SLC8A1: variants seen among roughly 807,000 people sequenced by gnomAD.
The protein encoded by SLC8A1 is sodium/calcium exchanger 1.
A neutral mutation model predicts 68.3 loss-of-function variants in SLC8A1; 18 were observed. The observed-to-expected ratio is 0.26, with a 90% CI of 0.18 to 0.39. The LOEUF is 0.39. Ranked by LOEUF, SLC8A1 falls within the 10% of genes least tolerant of loss-of-function variation. The pLI, the probability that SLC8A1 is intolerant of heterozygous loss-of-function variation, is 1.00. For missense variants in SLC8A1, 985 were observed against 1,156.7 expected (o/e 0.85, Z 2.15); for synonymous variants, 475 against 415.5 (o/e 1.14, Z -1.74).
intron 2 of SLC8A1, among the ~76,000 whole-genome samples, chr2:40,410,031 T>C (rs1691610655): frequency 6.6e-6 from 1 of 151,506 alleles, no homozygotes; most frequent in South Asian, 2.1e-4. Flanking sequence ...GGAGAAGGAA[T>C]ACAGGGAAAA....
At chr2:40,330,170 C>G (rs772549882) in intron 2 of SLC8A1, among the ~76,000 whole-genome samples, 1 of 152,066 alleles carries the variant, frequency 6.6e-6, no homozygotes, top group Non-Finnish European at 1.5e-5. Flanking sequence ...TTCCCAAGAC[C>G]CGTTCTAACT....
chr2:40,371,640 T>C (rs997269683), intron 2 of SLC8A1, among the ~76,000 whole-genome samples: 2 of 152,146 alleles, frequency 1.3e-5, no homozygotes, highest in African/African-American at 4.8e-5. Context: ...CTTGCTATTA[T>C]GAGATTTTAT....
At chr2:40,337,513 A>G in intron 2 of SLC8A1, among the ~76,000 whole-genome samples, 1 of 152,218 alleles carries the variant, frequency 6.6e-6, no homozygotes. Flanking sequence ...TAGCGCACTC[A>G]GCAATGCAAT....
intron 1 of SLC8A1, among the ~76,000 whole-genome samples, chr2:40,488,695 T>A (rs1378494459): frequency 1.3e-5 from 2 of 152,182 alleles, no homozygotes; most frequent in Non-Finnish European, 2.9e-5. Flanking sequence ...TCGTCTTGGA[T>A]TTTAAAGGTT....
At chr2:40,228,846 C>T (rs552474565) in intron 2 of SLC8A1, among the ~76,000 whole-genome samples, 79 of 152,176 alleles carry the variant, frequency 5.2e-4, no homozygotes, top group Non-Finnish European at 1.0e-3. Flanking sequence ...AAAGCTATAC[C>T]TATTGTTAGA....
At chr2:40,326,911 G>C (rs902993163) in intron 2 of SLC8A1, among the ~76,000 whole-genome samples, 2 of 152,140 alleles carry the variant, frequency 1.3e-5, no homozygotes, top group African/African-American at 4.8e-5. Flanking sequence ...TGATCCCAAG[G>C]TCAGGGCTCA....
chr2:40,251,451 G>C (rs2062734320), intron 2 of SLC8A1: 1 of 152,170 alleles, frequency 6.6e-6, no homozygotes, highest in Non-Finnish European at 1.5e-5. Flanking sequence ...AACAAGAATG[G>C]AAGAGTCGTT....
intron 2 of SLC8A1, among the ~76,000 whole-genome samples, chr2:40,329,545 T>C (rs1413223191): frequency 6.6e-6 from 1 of 152,190 alleles, no homozygotes; most frequent in East Asian, 1.9e-4. Context: ...TGAGGAAGAA[T>C]AAGAGATGGA....
chr2:40,320,402 T>C (rs2075048379), intron 2 of SLC8A1, among the ~76,000 whole-genome samples: 1 of 152,186 alleles, frequency 6.6e-6, no homozygotes, highest in African/African-American at 2.4e-5. Context: ...ACAGTTTACC[T>C]GGCATTAGCT....
intron 2 of SLC8A1, among the ~76,000 whole-genome samples, chr2:40,232,260 G>T (rs1377201685): frequency 6.6e-6 from 1 of 152,134 alleles, no homozygotes; most frequent in South Asian, 2.1e-4. Context: ...ACACTGTAGA[G>T]ATGTAACAGA....
intron 6 of SLC8A1, among the ~76,000 whole-genome samples, chr2:40,141,834 T>A (rs1347098618): frequency 6.6e-6 from 1 of 152,026 alleles, no homozygotes. Flanking sequence ...GTCCTTATAA[T>A]AGGAAATTGG....
Position 40,304,659 on chromosome 2 carries a change from C to T in SLC8A1, c.1808+123814G>A, listed in dbSNP as rs1045375512. Among the ~76,000 whole-genome samples, 3 of 152,130 alleles carry T rather than the reference C, an allele frequency of 2.0e-5. No individual in the cohort carries two copies. In the East Asian group the frequency reaches 5.8e-4, roughly 29 times the overall value. ...GAACTGCCTAGAGTCTCGTCGTGCCCCTTTTCTTGACCCAGCCACTGCCTC... is the reference window on the plus strand; with the variant it reads ...GAACTGCCTAGAGTCTCGTCGTGCCTCTTTTCTTGACCCAGCCACTGCCTC... On this transcript the variant is annotated intron_variant, in intron 2 of 7. Transcript: ENST00000406785.
intron 7 of SLC8A1, among the ~76,000 whole-genome samples, chr2:40,117,521 T>A (rs1023647256): frequency 6.8e-6 from 1 of 146,768 alleles, no homozygotes; most frequent in African/African-American, 2.5e-5. Flanking sequence ...CCCGTGACCA[T>A]GCCACTGCAC....
At chr2:40,288,229 G>T (rs1228269254) in intron 2 of SLC8A1, among the ~76,000 whole-genome samples, 3 of 152,118 alleles carry the variant, frequency 2.0e-5, no homozygotes, top group Non-Finnish European at 4.4e-5. Context: ...TCACACATAT[G>T]ACCTGAAACT....
exon 8 of SLC8A1, chr2:40,101,414 A>G (rs1181001427): frequency 6.6e-6 from 1 of 152,150 alleles, no homozygotes; most frequent in Non-Finnish European, 1.5e-5. Context: ...AAGACAAATC[A>G]GCCAGAGCTA....
At chr2:40,460,624 G>A (rs1703287138) in intron 1 of SLC8A1, among the ~76,000 whole-genome samples, 1 of 151,178 alleles carries the variant, frequency 6.6e-6, no homozygotes, top group South Asian at 2.1e-4. Flanking sequence ...CTGTTGCCCA[G>A]GCTGGAATGC....
intron 2 of SLC8A1, among the ~76,000 whole-genome samples, chr2:40,382,618 G>A (rs1682226220): frequency 6.6e-6 from 1 of 151,844 alleles, no homozygotes; most frequent in Non-Finnish European, 1.5e-5. Context: ...AAAAGACTGG[G>A]CAAAATATGT....
At chr2:40,253,593 AG>A (rs1029639400) in intron 2 of SLC8A1, among the ~76,000 whole-genome samples, 5 of 152,100 alleles carry the variant, frequency 3.3e-5, no homozygotes, top group African/African-American at 1.2e-4. Context: ...TGGGAGGCCG[AG>A]GCAGGCGGAT....
At chr2:40,419,311 A>C (rs1694807231) in intron 2 of SLC8A1, among the ~76,000 whole-genome samples, 1 of 152,188 alleles carries the variant, frequency 6.6e-6, no homozygotes, top group Non-Finnish European at 1.5e-5. Flanking sequence ...TTTAATAAAG[A>C]AGCAGCTTGA....
Sources: gnomAD v4.1 joint callset for allele counts (sites outside exome capture counted in the v4.1 genomes callset) on GRCh38, gnomAD v4.1.1 for gene constraint, MANE v1.5 for transcripts, NCBI Gene and HGNC (gene_info 2026-07-23, HGNC 2026-07-21) for gene names.